The following PTPN4 variants were observed in gnomAD, a reference collection of about 807,000 sequenced individuals.
The protein encoded by PTPN4 is tyrosine-protein phosphatase non-receptor type 4.
A neutral mutation model predicts 135.5 loss-of-function variants in PTPN4; 49 were observed. That is an observed-to-expected ratio of 0.36 (90% CI 0.29 to 0.46). The LOEUF (loss-of-function observed/expected upper bound fraction) is 0.46. Among genes scored for constraint, PTPN4 ranks in the 20% least tolerant of loss-of-function variants. PTPN4 has a pLI of 1.00. For missense variants in PTPN4, 860 were observed against 1,101.0 expected (o/e 0.78, Z 3.10); for synonymous variants, 333 against 369.9 (o/e 0.90, Z 1.14).
At chr2:119,948,343 G>T (rs969223033) in intron 18 of PTPN4, among the ~76,000 whole-genome samples, 2 of 152,042 alleles carry the variant, frequency 1.3e-5, no homozygotes, top group South Asian at 4.1e-4. Context: ...AGATGGGGAG[G>T]TGGTAGGGAG....
chr2:119,919,833 A>T (rs1392088913), intron 11 of PTPN4, among the ~76,000 whole-genome samples: 1 of 151,934 alleles, frequency 6.6e-6, no homozygotes, highest in Non-Finnish European at 1.5e-5. Flanking sequence ...CAAAAAAAAA[A>T]AAAAAAAAAA....
At position 119,934,785 on chromosome 2, in the gene PTPN4, TC is replaced by T. The variant is rs765559509; in HGVS notation, c.1197-12del. On this transcript the variant is annotated splice_polypyrimidine_tract_variant and intron_variant, in intron 14 of 26. Coordinates refer to ENST00000263708, the MANE Select transcript of PTPN4 (RefSeq NM_002830.4). ...GAAGCATATTTTTATTCAGTTTTTCTCCCTCTTTATTTAGTCGAAATTCTAC... is the reference window on the plus strand; with the variant it reads ...GAAGCATATTTTTATTCAGTTTTTCTCCTCTTTATTTAGTCGAAATTCTAC... 5 of 1,611,238 alleles carry T rather than the reference TC, an allele frequency of 3.1e-6. No individual in the cohort carries two copies. The highest frequency in any genetic ancestry group is 4.2e-6 in the Non-Finnish European group (5 of 1,178,438).
intron 1 of PTPN4, among the ~76,000 whole-genome samples, chr2:119,798,434 T>G (rs1691303257): frequency 6.6e-6 from 1 of 152,240 alleles, no homozygotes; most frequent in Non-Finnish European, 1.5e-5. Flanking sequence ...CCCAAAGTGT[T>G]GGGATTACAG....
chr2:119,892,705 CT>C lies in PTPN4; in HGVS notation c.675+6836del, dbSNP rs924486946. ...TCAAAGCAGACAAGAACTTTTAAGACTTTTTTTTTTTTTCCTTCTTTCTTTC... is the reference window on the plus strand; with the variant it reads ...TCAAAGCAGACAAGAACTTTTAAGACTTTTTTTTTTTTCCTTCTTTCTTTC... On this transcript the variant is annotated intron_variant, in intron 9 of 26. Transcript: ENST00000263708. Among the ~76,000 whole-genome samples, 312 of 144,196 alleles carry C rather than the reference CT, an allele frequency of 2.2e-3. 1 individual carries two copies. The highest frequency in any genetic ancestry group is 0.014 in the Middle Eastern group (4 of 280). 94.6% of individuals were successfully genotyped at this position (144,196 alleles called of 152,430 possible).
At chr2:119,768,471 A>G (rs982270317) in intron 1 of PTPN4, among the ~76,000 whole-genome samples, 28 of 152,310 alleles carry the variant, frequency 1.8e-4, no homozygotes, top group Non-Finnish European at 3.1e-4. Flanking sequence ...ACATATATGT[A>G]TACACACATC....
chr2:119,765,332 T>C (rs1252001203), intron 1 of PTPN4, among the ~76,000 whole-genome samples: 1 of 152,234 alleles, frequency 6.6e-6, no homozygotes, highest in Non-Finnish European at 1.5e-5. Context: ...ATAACTGATT[T>C]AGACATTTAC....
intron 1 of PTPN4, among the ~76,000 whole-genome samples, chr2:119,763,147 G>C (rs1182171871): frequency 6.6e-6 from 1 of 152,120 alleles, no homozygotes; most frequent in East Asian, 1.9e-4. Flanking sequence ...AAAAGAGGAG[G>C]GGAAATTTAT....
At chr2:119,794,534 A>G (rs559491068) in intron 1 of PTPN4, among the ~76,000 whole-genome samples, 13 of 152,306 alleles carry the variant, frequency 8.5e-5, no homozygotes, top group Middle Eastern at 3.4e-3. Flanking sequence ...TGCTGGATCA[A>G]GCATACCATA....
At chr2:119,951,725 A>T (rs544336131) in intron 18 of PTPN4, among the ~76,000 whole-genome samples, 2 of 152,320 alleles carry the variant, frequency 1.3e-5, no homozygotes, top group South Asian at 2.1e-4. Flanking sequence ...CTTGGAAATC[A>T]TCAGTCTTAT....
intron 2 of PTPN4, among the ~76,000 whole-genome samples, chr2:119,842,350 G>A (rs979086045): frequency 1.3e-5 from 2 of 152,192 alleles, no homozygotes; most frequent in Non-Finnish European, 2.9e-5. Flanking sequence ...CATTAGTAGG[G>A]TTCAAGACTA....
intron 2 of PTPN4, among the ~76,000 whole-genome samples, chr2:119,841,727 A>G (rs1006276862): frequency 3.3e-5 from 5 of 152,118 alleles, no homozygotes; most frequent in South Asian, 2.1e-4. Flanking sequence ...CTCCCTTCCC[A>G]TGCTCATTAC....
intron 23 of PTPN4, 120 bp downstream of exon 23, chr2:119,961,073 G>A: frequency 8.3e-7 from 1 of 1,207,450 alleles, no homozygotes. Context: ...TTTTCTTGTG[G>A]TTTCTTGTTT....
chr2:119,907,294 AAGC>A (rs1311900245), intron 10 of PTPN4, among the ~76,000 whole-genome samples: 1 of 152,182 alleles, frequency 6.6e-6, no homozygotes, highest in Non-Finnish European at 1.5e-5. Flanking sequence ...GGCATAGAAA[AAGC>A]AGTTTCAAAA....
At position 119,949,027 on chromosome 2, in the gene PTPN4, G is replaced by T. The variant is rs544215708; in HGVS notation, c.1656+2453G>T. Among the ~76,000 whole-genome samples, 3 of 152,208 alleles carry T rather than the reference G, an allele frequency of 2.0e-5. No individual in the cohort carries two copies. The South Asian group carries it at 6.2e-4, about 32-fold the overall frequency. On this transcript the variant is annotated intron_variant, in intron 18 of 26. Coordinates refer to ENST00000263708, the MANE Select transcript of PTPN4 (RefSeq NM_002830.4). ...TCAATGACTCACACGCATAAAAAAAGTATTCATTTTTCTGAGCAATGAATA... is the reference window on the plus strand; with the variant it reads ...TCAATGACTCACACGCATAAAAAAATTATTCATTTTTCTGAGCAATGAATA...
intron 12 of PTPN4, among the ~76,000 whole-genome samples, chr2:119,922,218 TAAAAAAAA>T (rs34480531): frequency 3.3e-5 from 4 of 120,876 alleles, no homozygotes; most frequent in Admixed American, 8.8e-5. Context: ...CAATCTGATT[TAAAAAAAA>T]AAAAAAAAAA....
Position 119,983,126 on chromosome 2 carries a change from T to C in PTPN4, c.*6056T>C, listed in dbSNP as rs1454500746. 1 of 152,234 alleles carries C rather than the reference T, an allele frequency of 6.6e-6. No homozygotes were observed. The highest frequency in any genetic ancestry group is 1.5e-5 in the Non-Finnish European group (1 of 68,036). 9.4% of individuals were successfully genotyped at this position (152,234 alleles called of 1,614,324 possible). On this transcript the variant is annotated 3_prime_UTR_variant, in exon 27 of 27. Transcript: ENST00000263708. ...TACTCAAGTACAAAGTGATCTCTTC[T>C]TTCATGAACTTTGCTATAACTGTTG...
At chr2:119,969,862 A>G (rs1361612241) in intron 26 of PTPN4, among the ~76,000 whole-genome samples, 2 of 151,752 alleles carry the variant, frequency 1.3e-5, no homozygotes, top group Non-Finnish European at 2.9e-5. Flanking sequence ...CCGGCCATCA[A>G]TTTGTTAATA....
chr2:119,944,133 C>T (rs1011366938), intron 15 of PTPN4, among the ~76,000 whole-genome samples: 6 of 152,102 alleles, frequency 3.9e-5, no homozygotes, highest in Non-Finnish European at 1.5e-5. Flanking sequence ...GCTTCAGTGC[C>T]ACATCAGCAG....
At chr2:119,874,182 G>A (rs937603491) in intron 3 of PTPN4, among the ~76,000 whole-genome samples, 9 of 152,174 alleles carry the variant, frequency 5.9e-5, no homozygotes, top group Non-Finnish European at 8.8e-5. Flanking sequence ...TAAAGATAGT[G>A]TTGATGAGGA....
Sources: allele counts gnomAD v4.1 joint callset (sites outside exome capture counted in the v4.1 genomes callset), GRCh38; gene constraint gnomAD v4.1.1; transcripts MANE v1.5; gene names NCBI Gene and HGNC (gene_info 2026-07-23, HGNC 2026-07-21).